HOMER1: variants seen among roughly 807,000 people sequenced by gnomAD.
The protein encoded by HOMER1 is homer scaffold protein 1.
HOMER1 carries 3 observed loss-of-function variants against 48.9 expected under a neutral mutation model. The ratio of observed to expected loss-of-function variants is 0.06; its 90% CI spans 0.03 to 0.16. The LOEUF (loss-of-function observed/expected upper bound fraction) is 0.16, where lower values mean the gene tolerates loss of function less well. Ranked by LOEUF, HOMER1 falls within the 10% of genes least tolerant of loss-of-function variation. HOMER1 has a pLI of 1.00. For synonymous variants in HOMER1, 134 were observed against 146.4 expected, an observed-to-expected ratio of 0.92 and a Z score of 0.61; for missense variants, 247 against 411.4, an observed-to-expected ratio of 0.60 and a Z score of 3.46.
chr5:79,490,858 G>A (rs1039959691), intron 1 of HOMER1, among the ~76,000 whole-genome samples: 4 of 151,290 alleles, frequency 2.6e-5, no homozygotes, highest in Non-Finnish European at 5.9e-5. Flanking sequence ...GGAAGGCTGA[G>A]GCAGAAGAAT....
chr5:79,471,887 G>A (rs1252571690), intron 1 of HOMER1, among the ~76,000 whole-genome samples: 1 of 152,160 alleles, frequency 6.6e-6, no homozygotes, highest in South Asian at 2.1e-4. Context: ...GGTCTGCCCA[G>A]CATGTTCTTT....
intron 8 of HOMER1, 60 bp from the exon 9 acceptor site, chr5:79,376,257 ACT>A: frequency 1.6e-6 from 2 of 1,236,570 alleles, no homozygotes; most frequent in Admixed American, 2.0e-5. Context: ...AAACAATACA[ACT>A]CTCTGTTATT....
intron 1 of HOMER1, among the ~76,000 whole-genome samples, chr5:79,462,802 A>G (rs534659288): frequency 6.6e-6 from 1 of 152,340 alleles, no homozygotes; most frequent in Admixed American, 6.5e-5. Context: ...AAAATATTAT[A>G]TGATTAACCA....
At chr5:79,401,326 T>A (rs1330137069) in intron 6 of HOMER1, among the ~76,000 whole-genome samples, 1 of 152,046 alleles carries the variant, frequency 6.6e-6, no homozygotes, top group Admixed American at 6.5e-5. Context: ...TCACAGGAAT[T>A]GTACAGAGTA....
At chr5:79,425,695 T>C (rs1014447334) in intron 5 of HOMER1, among the ~76,000 whole-genome samples, 1 of 152,054 alleles carries the variant, frequency 6.6e-6, no homozygotes, top group Non-Finnish European at 1.5e-5. Flanking sequence ...AGCAGTGTTC[T>C]TGGACTCAGG....
chr5:79,475,483 A>G (rs1751743616), intron 1 of HOMER1, among the ~76,000 whole-genome samples: 2 of 150,362 alleles, frequency 1.3e-5, no homozygotes, highest in African/African-American at 4.9e-5. Flanking sequence ...TGAGAAGAAC[A>G]GCAGGGGAAA....
chr5:79,446,749 T>C (rs1186790247), intron 4 of HOMER1, among the ~76,000 whole-genome samples: 1 of 150,318 alleles, frequency 6.7e-6, no homozygotes, highest in Non-Finnish European at 1.5e-5. Context: ...GTGATCCTCC[T>C]ACCTCAGCTT....
chr5:79,473,190 T>C (rs1296310179), intron 1 of HOMER1, among the ~76,000 whole-genome samples: 2 of 152,168 alleles, frequency 1.3e-5, no homozygotes, highest in Non-Finnish European at 2.9e-5. Flanking sequence ...AAATGATAAA[T>C]AGAAAAAGCA....
At chr5:79,378,222 CAAAAAAAAAAA>C (rs58802660) in intron 8 of HOMER1, among the ~76,000 whole-genome samples, 1 of 85,562 alleles carries the variant, frequency 1.2e-5, no homozygotes, top group Non-Finnish European at 2.6e-5. Flanking sequence ...GACTCTGTCT[CAAAAAAAAAAA>C]AAAAAAAAGG....
intron 1 of HOMER1, among the ~76,000 whole-genome samples, chr5:79,487,463 A>C (rs1752143615): frequency 2.0e-5 from 3 of 152,152 alleles, no homozygotes; most frequent in Non-Finnish European, 4.4e-5. Flanking sequence ...CTTGGGAGGA[A>C]AAAAAGTAAA....
intron 5 of HOMER1, among the ~76,000 whole-genome samples, chr5:79,422,161 A>G (rs539979663): frequency 6.6e-6 from 1 of 152,046 alleles, no homozygotes; most frequent in Admixed American, 6.6e-5. Context: ...CGGGAGACAG[A>G]GGTTGCAGTG....
chr5:79,406,613 C>T (rs568645342), intron 5 of HOMER1, among the ~76,000 whole-genome samples: 16 of 152,332 alleles, frequency 1.1e-4, no homozygotes, highest in African/African-American at 3.6e-4. Context: ...TTCTTCTCCA[C>T]AGGACCAAAA....
intron 5 of HOMER1, among the ~76,000 whole-genome samples, chr5:79,418,777 T>C (rs1243331848): frequency 1.3e-5 from 2 of 152,230 alleles, no homozygotes; most frequent in African/African-American, 4.8e-5. Flanking sequence ...TTTTTCAAAC[T>C]GAACTACAAT....
chr5:79,458,567 C>T (rs942010278), intron 1 of HOMER1, among the ~76,000 whole-genome samples: 2 of 151,994 alleles, frequency 1.3e-5, no homozygotes, highest in Non-Finnish European at 2.9e-5. Flanking sequence ...ACTCCTATAT[C>T]CATTTCAACC....
intron 4 of HOMER1, among the ~76,000 whole-genome samples, chr5:79,445,539 A>G (rs1319133270): frequency 6.7e-6 from 1 of 148,466 alleles, no homozygotes; most frequent in East Asian, 1.9e-4. Flanking sequence ...GTTAAAAGAA[A>G]AAGTAATACT....
At chr5:79,478,537 A>AAAATAAAT (rs753066669) in intron 1 of HOMER1, among the ~76,000 whole-genome samples, 3 of 151,814 alleles carry the variant, frequency 2.0e-5, no homozygotes, top group Non-Finnish European at 4.4e-5. Flanking sequence ...AAAATACAAA[A>AAAATAAAT]AAATAAATAA....
Position 79,374,568 on chromosome 5 carries a change from T to C in HOMER1, c.*1441A>G, listed in dbSNP as rs1476386535. The stretch of plus-strand genomic sequence containing the variant: ...GGGGTACAAACAAGAAGTCAGTGCA[T>C]TTATAGACTCCATAGAGTCAGTTAC... On this transcript the variant is annotated 3_prime_UTR_variant, in exon 9 of 9. Transcript: ENST00000334082. The C allele has an allele frequency of 6.6e-6, 1 of 151,932 alleles. No individual in the cohort carries two copies. Among genetic ancestry groups the C allele is most frequent in the Non-Finnish European group, 1.5e-5 (1 of 67,870 alleles). The allele number at this position is 151,932 out of a possible 1,614,324, so 9.4% of individuals were successfully genotyped here.
chr5:79,500,835 G>C (rs1001103185), intron 1 of HOMER1, among the ~76,000 whole-genome samples: 2 of 151,908 alleles, frequency 1.3e-5, no homozygotes, highest in African/African-American at 4.8e-5. Context: ...ATGTTGGCCA[G>C]GCTGGTCTCA....
At chr5:79,416,061 A>G (rs1580435332) in intron 5 of HOMER1, among the ~76,000 whole-genome samples, 1 of 152,252 alleles carries the variant, frequency 6.6e-6, no homozygotes, top group Non-Finnish European at 1.5e-5. Context: ...TATGCAGTCA[A>G]TAAAGAATCC....
Sources: gnomAD v4.1 joint callset for allele counts (sites outside exome capture counted in the v4.1 genomes callset) on GRCh38, gnomAD v4.1.1 for gene constraint, MANE v1.5 for transcripts, NCBI Gene and HGNC (gene_info 2026-07-23, HGNC 2026-07-21) for gene names.